Variants in NSMCE2 observed in about 807,000 individuals in gnomAD.
NSMCE2 encodes the protein E3 SUMO-protein ligase NSE2.
In NSMCE2, 24 loss-of-function variants were observed where a neutral mutation model predicts 23.8. The ratio of observed to expected loss-of-function variants is 1.01; its 90% confidence interval spans 0.73 to 1.42. The LOEUF is 1.42. NSMCE2 is among the 40% of genes most tolerant of loss of function. NSMCE2 has a pLI of 0.00. For missense variants in NSMCE2, 284 were observed against 296.5 expected, an observed-to-expected ratio of 0.96 and a Z score of 0.31; for synonymous variants, 92 against 94.1, an observed-to-expected ratio of 0.98 and a Z score of 0.13.
At position 125,356,291 on chromosome 8, in the gene NSMCE2, G is replaced by A. The variant is rs1433614778; in HGVS notation, c.419-928G>A. Among the ~76,000 whole-genome samples the A allele has an allele frequency of 4.0e-5, 6 of 149,376 alleles. No individual in the cohort carries two copies. In the East Asian group the frequency reaches 5.9e-4, roughly 15 times the overall value. Reference sequence around the variant, plus strand: ...ACTTTTAAAATGTTTATGGTAACACGTAGTGGGATTATTACTGTTACTTTT... The same window carrying A: ...ACTTTTAAAATGTTTATGGTAACACATAGTGGGATTATTACTGTTACTTTT... On this transcript the variant is annotated intron_variant, in intron 5 of 7. Coordinates refer to ENST00000287437, the MANE Select transcript of NSMCE2 (RefSeq NM_173685.4).
At chr8:125,263,421 G>T (rs937479772) in intron 5 of NSMCE2, among the ~76,000 whole-genome samples, 1 of 152,072 alleles carries the variant, frequency 6.6e-6, no homozygotes, top group African/African-American at 2.4e-5. Context: ...TAATTTTACT[G>T]CTGGATCCTA....
intron 4 of NSMCE2, among the ~76,000 whole-genome samples, chr8:125,165,500 C>A (rs1821831847): frequency 6.6e-6 from 1 of 152,106 alleles, no homozygotes; most frequent in African/African-American, 2.4e-5. Flanking sequence ...TACTGGGTGG[C>A]CATCACATCT....
chr8:125,227,735 G>T (rs1394833865), intron 5 of NSMCE2, among the ~76,000 whole-genome samples: 2 of 152,058 alleles, frequency 1.3e-5, no homozygotes, highest in Non-Finnish European at 2.9e-5. Flanking sequence ...AAAGATTCAG[G>T]TAATATAGAG....
chr8:125,308,694 C>A (rs1241109100), intron 5 of NSMCE2, among the ~76,000 whole-genome samples: 1 of 152,148 alleles, frequency 6.6e-6, no homozygotes, highest in Non-Finnish European at 1.5e-5. Context: ...CTGCAAATTG[C>A]TTTTATTGGG....
intron 5 of NSMCE2, among the ~76,000 whole-genome samples, chr8:125,217,880 GAAAA>G (rs547379030): frequency 8.0e-6 from 1 of 125,236 alleles, no homozygotes; most frequent in South Asian, 2.4e-4. Context: ...ATCTAAATAT[GAAAA>G]AAAAAAAAAC....
At position 125,320,925 on chromosome 8, in the gene NSMCE2, C is replaced by T. The variant is rs1328870093; in HGVS notation, c.419-36294C>T. On this transcript the variant is annotated intron_variant, in intron 5 of 7. Transcript: ENST00000287437. ...CAGCTTCTGCGGAGGCCTCAGGAAA[C>T]TGTAAATCATGGCAGAAGGCAAAGT... Among the ~76,000 whole-genome samples, 8 of 152,270 alleles carry T rather than the reference C, an allele frequency of 5.3e-5. No homozygotes were observed. In the South Asian group the frequency reaches 1.7e-3, roughly 32 times the overall value.
At chr8:125,274,749 A>T (rs1474817274) in intron 5 of NSMCE2, among the ~76,000 whole-genome samples, 1 of 151,806 alleles carries the variant, frequency 6.6e-6, no homozygotes, top group Non-Finnish European at 1.5e-5. Context: ...GGCCAACATG[A>T]CGAAACCCCA....
intron 5 of NSMCE2, among the ~76,000 whole-genome samples, chr8:125,201,240 G>C (rs1302863549): frequency 1.3e-5 from 2 of 152,190 alleles, no homozygotes; most frequent in African/African-American, 4.8e-5. Flanking sequence ...TCCGTTGGAG[G>C]AGAAGAGGCA....
At chr8:125,325,566 T>TG (rs940260714) in intron 5 of NSMCE2, among the ~76,000 whole-genome samples, 3 of 152,160 alleles carry the variant, frequency 2.0e-5, no homozygotes, top group African/African-American at 7.2e-5. Flanking sequence ...AGGCTGGTCT[T>TG]GAACTCCTGA....
chr8:125,202,692 G>A (rs1423857251), intron 5 of NSMCE2, among the ~76,000 whole-genome samples: 1 of 152,000 alleles, frequency 6.6e-6, no homozygotes, highest in Non-Finnish European at 1.5e-5. Context: ...CTTATTAGAG[G>A]CATTTACTTT....
At chr8:125,303,417 G>A (rs1226043466) in intron 5 of NSMCE2, among the ~76,000 whole-genome samples, 1 of 152,158 alleles carries the variant, frequency 6.6e-6, no homozygotes, top group East Asian at 1.9e-4. Context: ...AACTCATGCT[G>A]CACGAATTTG....
intron 4 of NSMCE2, among the ~76,000 whole-genome samples, chr8:125,177,285 G>C (rs1200164744): frequency 6.6e-6 from 1 of 152,176 alleles, no homozygotes; most frequent in East Asian, 1.9e-4. Flanking sequence ...CTGGGTTGAA[G>C]AATTTCAACC....
intron 5 of NSMCE2, among the ~76,000 whole-genome samples, chr8:125,314,352 C>T (rs1363146330): frequency 1.3e-5 from 2 of 152,108 alleles, no homozygotes; most frequent in African/African-American, 4.8e-5. Context: ...TCCAGTGGCA[C>T]GATCTCAGGT....
At chr8:125,219,434 A>G (rs1268844230) in intron 5 of NSMCE2, among the ~76,000 whole-genome samples, 1 of 152,172 alleles carries the variant, frequency 6.6e-6, no homozygotes, top group Non-Finnish European at 1.5e-5. Flanking sequence ...AAAATAGCTT[A>G]AGTGTGATTC....
intron 5 of NSMCE2, among the ~76,000 whole-genome samples, chr8:125,287,977 T>C (rs1312251843): frequency 6.6e-6 from 1 of 152,142 alleles, no homozygotes; most frequent in Non-Finnish European, 1.5e-5. Flanking sequence ...CACCTAAATA[T>C]AACTTTTTAG....
intron 5 of NSMCE2, among the ~76,000 whole-genome samples, chr8:125,239,054 C>T (rs1254981078): frequency 6.6e-6 from 1 of 152,150 alleles, no homozygotes; most frequent in Non-Finnish European, 1.5e-5. Flanking sequence ...GACAAAATTT[C>T]CCACCCTCTG....
chr8:125,204,508 C>T (rs754306320), intron 5 of NSMCE2, among the ~76,000 whole-genome samples: 4 of 152,200 alleles, frequency 2.6e-5, no homozygotes, highest in Non-Finnish European at 4.4e-5. Context: ...CTCCATCTTT[C>T]CTTTATATGG....
chr8:125,323,366 A>G (rs1294450075), intron 5 of NSMCE2, among the ~76,000 whole-genome samples: 2 of 152,228 alleles, frequency 1.3e-5, no homozygotes, highest in Non-Finnish European at 2.9e-5. Context: ...AAAAAAAAGG[A>G]CAAAGTTAGA....
intron 5 of NSMCE2, among the ~76,000 whole-genome samples, chr8:125,260,023 C>G (rs1011604887): frequency 5.9e-5 from 9 of 152,292 alleles, no homozygotes; most frequent in African/African-American, 2.2e-4. Flanking sequence ...GCAGATATTG[C>G]AGGCTGGATA....
Sources: allele counts gnomAD v4.1 joint callset (sites outside exome capture counted in the v4.1 genomes callset), GRCh38; gene constraint gnomAD v4.1.1; transcripts MANE v1.5; gene names NCBI Gene and HGNC (gene_info 2026-07-23, HGNC 2026-07-21).